The following LPAR6 variants were observed in gnomAD, a reference collection of about 807,000 sequenced individuals.
LPAR6 encodes the protein lysophosphatidic acid receptor 6.
LPAR6 carries 17 observed loss-of-function variants against 22.0 expected under a neutral mutation model. The observed-to-expected ratio is 0.77, with a 90% CI of 0.53 to 1.16. LPAR6 has a LOEUF of 1.16. LPAR6 is among the 50% of genes most tolerant of loss of function. The pLI, the probability that LPAR6 is intolerant of heterozygous loss-of-function variation, is 0.00. For synonymous variants in LPAR6, 136 were observed against 139.8 expected (o/e 0.97, Z 0.19); for missense variants, 384 against 406.9 (o/e 0.94, Z 0.48).
intron 1 of LPAR6, among the ~76,000 whole-genome samples, chr13:48,434,419 A>C (rs1474303036): frequency 6.6e-6 from 1 of 152,200 alleles, no homozygotes; most frequent in East Asian, 1.9e-4. Context: ...TGGAAATAGC[A>C]TTAGTCATTT....
At chr13:48,416,049 T>G (rs1948903158), upstream of LPAR6, among the ~76,000 whole-genome samples, 1 of 152,230 alleles carries the variant, frequency 6.6e-6, no homozygotes, top group Admixed American at 6.5e-5. Context: ...GTGAGATCTC[T>G]ACACTTCTGG....
In LPAR6 at chr13:48,411,491, TCTC is replaced by T. The variant is rs774867305; in HGVS notation, c.930_932del (p.Arg311del). Reference sequence around the variant, plus strand: ...GAACTTCAGAGAATCTGAAGTCACTTCTCCTGACAGACCAGTTTTTCATTTTTA... The same window carrying T: ...GAACTTCAGAGAATCTGAAGTCACTTCTGACAGACCAGTTTTTCATTTTTA... On this transcript the variant is annotated inframe_deletion, in exon 1 of 1. Coordinates refer to ENST00000620633, the MANE Select transcript of LPAR6 (RefSeq NM_001162498.3). The T allele has an allele frequency of 1.1e-5, 17 of 1,612,820 alleles. No individual in the cohort carries two copies. The East Asian group carries it at 2.2e-4, about 21-fold the overall frequency.
intron 1 of LPAR6, among the ~76,000 whole-genome samples, chr13:48,403,978 G>C (rs1948716310): frequency 6.6e-6 from 1 of 152,106 alleles, no homozygotes; most frequent in African/African-American, 2.4e-5. Context: ...TCCAGTCTGG[G>C]TGACAGAATG....
At chr13:48,426,127 C>G (rs928433338) in intron 1 of LPAR6, among the ~76,000 whole-genome samples, 1 of 152,096 alleles carries the variant, frequency 6.6e-6, no homozygotes, top group Admixed American at 6.6e-5. Context: ...CAAACTCTGC[C>G]CTGAACTTTA....
intron 1 of LPAR6, among the ~76,000 whole-genome samples, chr13:48,441,470 A>G (rs965166428): frequency 1.3e-5 from 2 of 152,190 alleles, no homozygotes; most frequent in African/African-American, 4.8e-5. Context: ...TAGGAACCCA[A>G]TACTAGCTAA....
chr13:48,412,490 G>A lies in LPAR6; in HGVS notation c.-67C>T. On this transcript the variant is annotated 5_prime_UTR_variant, in exon 1 of 1. Transcript: ENST00000620633. ...CAGCTGCAGTCTCCTTTGGGATTCA[G>A]ATTATAACCTCTATAACCTCCAATT... is the stretch of plus-strand genomic sequence containing the variant. The A allele has an allele frequency of 1.0e-6, 1 of 1,004,156 alleles. No individual in the cohort carries two copies. The highest frequency in any genetic ancestry group is 1.6e-6 in the Non-Finnish European group (1 of 622,694). 62.2% of individuals were successfully genotyped at this position (1,004,156 alleles called of 1,614,324 possible).
At chr13:48,403,625 T>C (rs575959880) in intron 1 of LPAR6, among the ~76,000 whole-genome samples, 5 of 152,214 alleles carry the variant, frequency 3.3e-5, no homozygotes, top group Admixed American at 3.3e-4. Flanking sequence ...TTGGCAATGG[T>C]CCTCAAACTT....
chr13:48,444,341 AC>A (rs1186410106), intron 1 of LPAR6, among the ~76,000 whole-genome samples: 1 of 151,840 alleles, frequency 6.6e-6, no homozygotes, highest in African/African-American at 2.4e-5. Context: ...ACATGGCAAA[AC>A]CCCGTCTCTA....
chr13:48,425,083 C>G, intron 1 of LPAR6, among the ~76,000 whole-genome samples: 1 of 151,854 alleles, frequency 6.6e-6, no homozygotes, highest in Admixed American at 6.6e-5. Flanking sequence ...GAATACAAAA[C>G]AAAGAAATAA....
intron 1 of LPAR6, among the ~76,000 whole-genome samples, chr13:48,426,385 G>T (rs544583268): frequency 6.6e-6 from 1 of 152,310 alleles, no homozygotes; most frequent in South Asian, 2.1e-4. Flanking sequence ...GATGCATTTG[G>T]TATGCCTTTT....
intron 1 of LPAR6, among the ~76,000 whole-genome samples, chr13:48,399,223 TTGTTGTTTTACTCTTTCTC>T (rs1948671729): frequency 6.6e-6 from 1 of 152,042 alleles, no homozygotes; most frequent in Non-Finnish European, 1.5e-5. Context: ...GAGGTTTTTG[TTGTTGTTTTACTCTTTCTC>T]TGTTTTTAGT....
chr13:48,400,278 C>G (rs1255448182), intron 1 of LPAR6, among the ~76,000 whole-genome samples: 3 of 152,074 alleles, frequency 2.0e-5, no homozygotes, highest in African/African-American at 7.2e-5. Context: ...TGTATTAACT[C>G]ATAACTTCTC....
intron 2 of LPAR6, among the ~76,000 whole-genome samples, chr13:48,419,565 G>A (rs969400565): frequency 2.6e-5 from 4 of 151,850 alleles, no homozygotes; most frequent in Admixed American, 6.6e-5. Context: ...AGAGAAACAC[G>A]AAAAACCCTT....
chr13:48,405,329 G>A (rs1948730081), intron 1 of LPAR6, among the ~76,000 whole-genome samples: 1 of 152,136 alleles, frequency 6.6e-6, no homozygotes, highest in South Asian at 2.1e-4. Flanking sequence ...GAGTAATAAT[G>A]AATTTGTGTA....
intron 2 of LPAR6, among the ~76,000 whole-genome samples, chr13:48,419,862 C>A (rs1392962229): frequency 6.6e-6 from 1 of 152,130 alleles, no homozygotes; most frequent in Non-Finnish European, 1.5e-5. Context: ...CCTGAATAGA[C>A]CAATAACAAG....
At chr13:48,440,089 G>A (rs1486401472) in intron 1 of LPAR6, among the ~76,000 whole-genome samples, 1 of 152,066 alleles carries the variant, frequency 6.6e-6, no homozygotes, top group African/African-American at 2.4e-5. Context: ...TTTCTTACAT[G>A]TAGATATTCT....
intron 1 of LPAR6, among the ~76,000 whole-genome samples, chr13:48,437,962 G>A (rs563701176): frequency 2.0e-5 from 3 of 152,102 alleles, no homozygotes; most frequent in Non-Finnish European, 4.4e-5. Context: ...TTTCTTGTTT[G>A]TGCTTTGCTG....
chr13:48,442,430 T>C (rs942244164), intron 1 of LPAR6, among the ~76,000 whole-genome samples: 2 of 152,222 alleles, frequency 1.3e-5, no homozygotes, highest in African/African-American at 4.8e-5. Context: ...ATAGTATGAG[T>C]TTTTATTCAT....
chr13:48,434,352 C>T (rs576454805), intron 1 of LPAR6, among the ~76,000 whole-genome samples: 33 of 151,842 alleles, frequency 2.2e-4, no homozygotes, highest in Middle Eastern at 3.4e-3. Flanking sequence ...ATAATAAAAA[C>T]GGAGAAAAAA....
Sources: gnomAD v4.1 joint callset for allele counts (sites outside exome capture counted in the v4.1 genomes callset) on GRCh38, gnomAD v4.1.1 for gene constraint, MANE v1.5 for transcripts, NCBI Gene and HGNC (gene_info 2026-07-23, HGNC 2026-07-21) for gene names.